Variants in KLHL4 observed in about 807,000 individuals in gnomAD.
KLHL4 encodes kelch like family member 4, also known as kelch-like protein 4.
Under a neutral mutation model 45.8 loss-of-function variants are expected in KLHL4, and 17 were observed. The ratio of observed to expected loss-of-function variants is 0.37; its 90% CI spans 0.25 to 0.56. KLHL4 has a LOEUF of 0.56. Ranked by LOEUF, KLHL4 falls within the 20% of genes least tolerant of loss-of-function variation. The pLI, the probability that KLHL4 is intolerant of heterozygous loss-of-function variation, is 0.79. For synonymous variants in KLHL4, 224 were observed against 189.9 expected, an observed-to-expected ratio of 1.18 and a Z score of -1.47; for missense variants, 544 against 544.9, an observed-to-expected ratio of 1.00 and a Z score of 0.02.
At chrX:87,527,783 ACT>A (rs1204874095) in intron 1 of KLHL4, among the ~76,000 whole-genome samples, 1 of 104,069 alleles carries the variant, frequency 9.6e-6, no homozygotes, top group Non-Finnish European at 1.9e-5. Context: ...GGAAAGAAAG[ACT>A]CTCTCTGGGA....
intron 9 of KLHL4, among the ~76,000 whole-genome samples, chrX:87,649,652 C>T (rs1229508091): frequency 9.0e-6 from 1 of 111,363 alleles, no homozygotes; most frequent in Non-Finnish European, 1.9e-5. Flanking sequence ...ATAACTGTAC[C>T]TCTTACCTTC....
At chrX:87,533,262 T>C (rs6614676) in intron 1 of KLHL4, among the ~76,000 whole-genome samples, 24,264 of 102,172 alleles carry the variant, frequency 0.24, 2,907 homozygotes, top group East Asian at 0.51. Context: ...CACGTATGTT[T>C]ATTGCGGCAC....
intron 6 of KLHL4, among the ~76,000 whole-genome samples, chrX:87,628,361 G>A (rs1271553093): frequency 2.7e-5 from 3 of 109,681 alleles, no homozygotes; most frequent in Non-Finnish European, 5.7e-5. Context: ...GAATCTATTG[G>A]AAAACCAGGG....
At chrX:87,602,753 C>G (rs754403798) in intron 1 of KLHL4, among the ~76,000 whole-genome samples, 1 of 111,493 alleles carries the variant, frequency 9.0e-6, no homozygotes, top group African/African-American at 3.3e-5. Context: ...ATGTTTGTCT[C>G]TATACATGCA....
chrX:87,560,898 C>T (rs1932082713), intron 1 of KLHL4, among the ~76,000 whole-genome samples: 1 of 111,176 alleles, frequency 9.0e-6, no homozygotes, highest in Admixed American at 9.6e-5. Context: ...CTACAATAAA[C>T]ATGTAAGTGC....
At chrX:87,532,189 G>T (rs936143933) in intron 1 of KLHL4, among the ~76,000 whole-genome samples, 1 of 108,835 alleles carries the variant, frequency 9.2e-6, no homozygotes, top group African/African-American at 3.3e-5. Context: ...ATTAAATAGG[G>T]AATCCTTTCC....
chrX:87,553,637 TAC>T (rs201136830), intron 1 of KLHL4, among the ~76,000 whole-genome samples: 11 of 100,538 alleles, frequency 1.1e-4, no homozygotes, highest in African/African-American at 3.1e-4. Flanking sequence ...CACAGACACA[TAC>T]ACACACACAT....
Position 87,666,700 on chromosome X carries a change from G to A in KLHL4, c.*166G>A, listed in dbSNP as rs1007755010. ...TACAATTGCTTTCATTCGTGAAGCC[G>A]AAACGTTTTTAAACATGAATTACAT... On this transcript the variant is annotated 3_prime_UTR_variant, in exon 11 of 11. Coordinates refer to ENST00000373119, the MANE Select transcript of KLHL4 (RefSeq NM_019117.5). 13 of 975,941 alleles carry A rather than the reference G, an allele frequency of 1.3e-5. No individual in the cohort carries two copies. Among genetic ancestry groups the A allele is most frequent in the South Asian group, 8.0e-5 (2 of 25,005 alleles). 80.4% of individuals were successfully genotyped at this position (975,941 alleles called of 1,213,427 possible). A position where few individuals can be genotyped will look rare whatever the true frequency, so the allele number is the denominator to read the frequency against.
At chrX:87,647,893 T>G (rs1602463362) in intron 9 of KLHL4, among the ~76,000 whole-genome samples, 1 of 110,867 alleles carries the variant, frequency 9.0e-6, no homozygotes, top group East Asian at 2.8e-4. Flanking sequence ...AAAAATAAAT[T>G]TATTGGTTTT....
chrX:87,545,278 C>T (rs917872280), intron 1 of KLHL4, among the ~76,000 whole-genome samples: 1 of 111,330 alleles, frequency 9.0e-6, no homozygotes, highest in Non-Finnish European at 1.9e-5. Context: ...GCTTTGTGTC[C>T]CCACCAAAAT....
chrX:87,556,440 C>T (rs72634505), intron 1 of KLHL4, among the ~76,000 whole-genome samples: 22,970 of 105,517 alleles, frequency 0.22, 2,060 homozygotes, highest in Non-Finnish European at 0.26. Context: ...CCAAACACTG[C>T]GCATATTCTC....
Position 87,666,463 on chromosome X carries a change from T to C in KLHL4, c.2098-12T>C. The stretch of plus-strand genomic sequence containing the variant: ...GTTCCAACAGTGTTTTGTTTCTTAT[T>C]TTGTGTTTTAGGAAGTTCCTGTTAA... On this transcript the variant is annotated splice_polypyrimidine_tract_variant and intron_variant, in intron 10 of 10. Transcript: ENST00000373119. The C allele has an allele frequency of 8.5e-7, 1 of 1,174,888 alleles. No homozygotes were observed. Among genetic ancestry groups the C allele is most frequent in the South Asian group, 1.8e-5 (1 of 54,339 alleles).
At chrX:87,549,301 T>C (rs1373687290) in intron 1 of KLHL4, among the ~76,000 whole-genome samples, 1 of 110,993 alleles carries the variant, frequency 9.0e-6, no homozygotes, top group African/African-American at 3.3e-5. Context: ...TTAAGAGAGA[T>C]ATGAGCCTCA....
intron 1 of KLHL4, among the ~76,000 whole-genome samples, chrX:87,531,546 C>G (rs1931279581): frequency 2.8e-5 from 3 of 107,949 alleles, no homozygotes; most frequent in Non-Finnish European, 5.7e-5. Flanking sequence ...CAAATTGTCC[C>G]TGTTTGCAGA....
At chrX:87,545,415 A>G (rs1017776419) in intron 1 of KLHL4, among the ~76,000 whole-genome samples, 6 of 111,277 alleles carry the variant, frequency 5.4e-5, no homozygotes, top group African/African-American at 2.0e-4. Context: ...TGATGGTTTT[A>G]TAAGGGGCTG....
intron 1 of KLHL4, among the ~76,000 whole-genome samples, chrX:87,529,726 T>C (rs1036706822): frequency 9.8e-5 from 11 of 112,084 alleles, no homozygotes; most frequent in Admixed American, 3.8e-4. Context: ...TCAGAGAAGA[T>C]TTGGAGACAT....
chrX:87,551,721 C>A (rs1275865849), intron 1 of KLHL4, among the ~76,000 whole-genome samples: 1 of 111,575 alleles, frequency 9.0e-6, no homozygotes, highest in Non-Finnish European at 1.9e-5. Flanking sequence ...ACCAATGGAA[C>A]AGAAGAGAGA....
In KLHL4 at chrX:87,635,562, G is replaced by A; in HGVS notation, c.1713-1G>A. 8.3e-7 allele frequency: 1 copy of A among 1,201,102 alleles called. No homozygotes were observed. Among genetic ancestry groups the A allele is most frequent in the Non-Finnish European group, 1.1e-6 (1 of 886,795 alleles). On this transcript the variant is annotated splice_acceptor_variant, in intron 8 of 10. Transcript: ENST00000373119. LOFTEE classifies it high-confidence loss of function. ...ACACACAATTCTGTCTTTTTATCTAGATTATATGCTATTGGTGGACGTGAT... is the reference window on the plus strand; with the variant it reads ...ACACACAATTCTGTCTTTTTATCTAAATTATATGCTATTGGTGGACGTGAT...
At chrX:87,631,274 C>G (rs773617579) in intron 6 of KLHL4, among the ~76,000 whole-genome samples, 1 of 111,637 alleles carries the variant, frequency 9.0e-6, no homozygotes, top group African/African-American at 3.3e-5. Flanking sequence ...CCTTTCCTAT[C>G]GGTGCAGCTG....
Sources: allele counts gnomAD v4.1 joint callset (sites outside exome capture counted in the v4.1 genomes callset), GRCh38; gene constraint gnomAD v4.1.1; transcripts MANE v1.5; gene names NCBI Gene and HGNC (gene_info 2026-07-23, HGNC 2026-07-21).